Variants in PEX5L observed in about 807,000 individuals in gnomAD.
PEX5L encodes the protein PEX5-related protein.
PEX5L carries 30 observed loss-of-function variants against 84.0 expected under a neutral mutation model. The observed-to-expected ratio is 0.36, with a 90% CI of 0.27 to 0.48. The LOEUF (loss-of-function observed/expected upper bound fraction) is 0.48. PEX5L is among the 20% of genes least tolerant of loss of function. The pLI, the probability that PEX5L is intolerant of heterozygous loss-of-function variation, is 0.99. For missense variants in PEX5L, 533 were observed against 754.6 expected, an observed-to-expected ratio of 0.71 and a Z score of 3.44; for synonymous variants, 270 against 283.1, an observed-to-expected ratio of 0.95 and a Z score of 0.46.
At chr3:179,945,228 T>C (rs1777190210) in intron 2 of PEX5L, among the ~76,000 whole-genome samples, 1 of 152,188 alleles carries the variant, frequency 6.6e-6, no homozygotes, top group African/African-American at 2.4e-5. Context: ...CTTTTTAGAA[T>C]GGTTGGGACA....
At position 179,806,766 on chromosome 3, in the gene PEX5L, TTC is replaced by T. The variant is rs558729688; in HGVS notation, c.1676+906_1676+907del. ...ATCCTGAAAAATAATCATTACCTCT[TTC>T]TCTCTCTTTTTTTAACAAGTGAAGA... On this transcript the variant is annotated intron_variant, in intron 14 of 14. Transcript: ENST00000467460. 4.6e-5 allele frequency among the ~76,000 whole-genome samples: 7 copies of T among 152,340 alleles called. No homozygotes were observed. In the South Asian group the frequency reaches 8.3e-4, roughly 18 times the overall value.
In PEX5L at chr3:180,036,781, G is replaced by A. The variant is rs1579443892; in HGVS notation, c.-182C>T. 1 of 649,906 alleles carries A rather than the reference G, an allele frequency of 1.5e-6. No homozygotes were observed. Among genetic ancestry groups the A allele is most frequent in the South Asian group, 1.8e-5 (1 of 56,794 alleles). The allele number at this position is 649,906 out of a possible 1,614,324, so 40.3% of individuals were successfully genotyped here. On this transcript the variant is annotated 5_prime_UTR_variant, in exon 1 of 15. Coordinates refer to ENST00000467460, the MANE Select transcript of PEX5L (RefSeq NM_016559.3). ...CACTCGGCAGCGCTGCGGGCTGCCG[G>A]GAACTGTTCTCCGCTCGGGGTGCTG... is the stretch of plus-strand genomic sequence containing the variant.
At chr3:179,984,289 T>G (rs949951455) in intron 1 of PEX5L, among the ~76,000 whole-genome samples, 1 of 152,142 alleles carries the variant, frequency 6.6e-6, no homozygotes. Flanking sequence ...AATTTTCTTC[T>G]ATTAAGCTCT....
intron 1 of PEX5L, among the ~76,000 whole-genome samples, chr3:180,007,144 T>C (rs1399495057): frequency 1.3e-5 from 2 of 152,248 alleles, no homozygotes; most frequent in East Asian, 3.9e-4. Context: ...ACAATGGGGG[T>C]ACAGGTATTG....
At chr3:179,804,843 G>T (rs1442327265) in intron 14 of PEX5L, among the ~76,000 whole-genome samples, 1 of 152,140 alleles carries the variant, frequency 6.6e-6, no homozygotes, top group Non-Finnish European at 1.5e-5. Flanking sequence ...CTCTCGCCGG[G>T]TGTAGTGGCT....
rs58117788 is a variant in PEX5L, at chr3:179,985,113, G to T, written c.22-13448C>A. ...AGGGCTGAGTATTGAGACACCTTTT[G>T]GATTTGGGCACAGCTCCTGACTTCT... On this transcript the variant is annotated intron_variant, in intron 1 of 14. Coordinates refer to ENST00000467460, the MANE Select transcript of PEX5L (RefSeq NM_016559.3). 1.8e-3 allele frequency among the ~76,000 whole-genome samples: 269 copies of T among 152,218 alleles called. 1 individual carries two copies. The highest frequency in any genetic ancestry group is 6.2e-3 in the African/African-American group (257 of 41,512).
intron 2 of PEX5L, among the ~76,000 whole-genome samples, chr3:179,903,275 C>T (rs9856651): frequency 0.017 from 2,542 of 152,062 alleles, 82 homozygotes; most frequent in African/African-American, 0.059. Flanking sequence ...GGCTGGAGTG[C>T]AGTGGTGTGA....
At chr3:179,867,042 G>GAAAAAAAAAAAAAAAAAAAAA (rs60924890) in intron 7 of PEX5L, among the ~76,000 whole-genome samples, 1 of 110,578 alleles carries the variant, frequency 9.0e-6, no homozygotes, top group African/African-American at 3.4e-5. Context: ...AAAAAAAAAA[G>GAAAAAAAAAAAAAAAAAAAAA]AAAAAAAAAA....
At chr3:179,845,956 G>A (rs552267011) in intron 8 of PEX5L, among the ~76,000 whole-genome samples, 14 of 152,310 alleles carry the variant, frequency 9.2e-5, no homozygotes, top group Non-Finnish European at 1.9e-4. Flanking sequence ...GATCACCTGA[G>A]GTCAGGAGTT....
At chr3:179,922,518 G>A (rs974079578) in intron 2 of PEX5L, among the ~76,000 whole-genome samples, 4 of 148,840 alleles carry the variant, frequency 2.7e-5, no homozygotes, top group Admixed American at 6.8e-5. Flanking sequence ...GCGCGGTCTC[G>A]GCTCACCGCA....
At chr3:179,972,817 T>G (rs183951928) in intron 1 of PEX5L, among the ~76,000 whole-genome samples, 327 of 139,338 alleles carry the variant, frequency 2.3e-3, no homozygotes, top group African/African-American at 5.1e-3. Flanking sequence ...TTTTTGTGGG[T>G]TTTTTTTTTA....
At chr3:179,816,146 G>A (rs1464346734) in intron 9 of PEX5L, 142 bp from the exon 10 acceptor site, 2 of 746,906 alleles carry the variant, frequency 2.7e-6, no homozygotes, top group East Asian at 2.6e-5. Context: ...CACTGTTGGT[G>A]GGAGTGTAAA....
chr3:180,010,094 C>T (rs1789295611), intron 1 of PEX5L, among the ~76,000 whole-genome samples: 3 of 151,920 alleles, frequency 2.0e-5, no homozygotes, highest in Non-Finnish European at 4.4e-5. Context: ...CAGGCGCCCG[C>T]CACCACGTCT....
chr3:180,024,381 C>CAA (rs112285009), intron 1 of PEX5L, among the ~76,000 whole-genome samples: 23 of 100,926 alleles, frequency 2.3e-4, no homozygotes, highest in African/African-American at 6.0e-4. Context: ...TATACACACA[C>CAA]AAAAAAAAAA....
intron 9 of PEX5L, among the ~76,000 whole-genome samples, chr3:179,818,984 CAG>C (rs1727363839): frequency 6.6e-6 from 1 of 151,248 alleles, no homozygotes; most frequent in African/African-American, 2.4e-5. Flanking sequence ...CTGGGGACTA[CAG>C]GCGTAGTCCC....
chr3:179,796,390 T>C lies in PEX5L; in HGVS notation c.*5438A>G, dbSNP rs1011820174. On this transcript the variant is annotated 3_prime_UTR_variant, in exon 15 of 15. Transcript: ENST00000467460. ...AGGTCCTGAGAAAACAGTTCTGACA[T>C]TGGGACACTTGTCTCTAGACTGTGT... The C allele has an allele frequency of 2.6e-5, 4 of 152,190 alleles. No individual in the cohort carries two copies. Among genetic ancestry groups the C allele is most frequent in the African/African-American group, 9.7e-5 (4 of 41,442 alleles). The allele number at this position is 152,190 out of a possible 1,614,324, so 9.4% of individuals were successfully genotyped here. A position where few individuals can be genotyped will look rare whatever the true frequency, so the allele number is the denominator to read the frequency against.
intron 14 of PEX5L, 132 bp downstream of exon 14, chr3:179,807,542 A>T: frequency 1.3e-6 from 1 of 790,638 alleles, no homozygotes; most frequent in Non-Finnish European, 2.0e-6. Context: ...TGAAGGCTCC[A>T]CATTCACCCT....
At position 179,795,243 on chromosome 3, in the gene PEX5L, C is replaced by T. The variant is rs185396592; in HGVS notation, c.*6585G>A. 25 of 151,794 alleles carry T rather than the reference C, an allele frequency of 1.6e-4. No homozygotes were observed. The highest frequency in any genetic ancestry group is 5.2e-4 in the Admixed American group (8 of 15,266). The allele number at this position is 151,794 out of a possible 1,614,324, so 9.4% of individuals were successfully genotyped here. Reference sequence around the variant, plus strand: ...AAGATTCCTGAAAAGACCTCGAAGCCGCAGACAAAGTTTATTTGAAAACAT... The same window carrying T: ...AAGATTCCTGAAAAGACCTCGAAGCTGCAGACAAAGTTTATTTGAAAACAT... On this transcript the variant is annotated 3_prime_UTR_variant, in exon 15 of 15. Transcript: ENST00000467460.
At chr3:179,891,427 G>C (rs1757585853) in intron 3 of PEX5L, among the ~76,000 whole-genome samples, 1 of 152,154 alleles carries the variant, frequency 6.6e-6, no homozygotes, top group Non-Finnish European at 1.5e-5. Context: ...CAGATAGCAT[G>C]GAAAGGTAAC....
Sources: allele counts gnomAD v4.1 joint callset (sites outside exome capture counted in the v4.1 genomes callset), GRCh38; gene constraint gnomAD v4.1.1; transcripts MANE v1.5; gene names NCBI Gene and HGNC (gene_info 2026-07-23, HGNC 2026-07-21).